CLK2: variants seen among roughly 807,000 people sequenced by gnomAD.
CLK2 encodes dual specificity protein kinase CLK2.
Under a neutral mutation model 73.5 loss-of-function variants are expected in CLK2, and 12 were observed. The observed-to-expected ratio is 0.16, with a 90% CI of 0.10 to 0.26. The LOEUF (loss-of-function observed/expected upper bound fraction) is 0.26, where lower values mean the gene tolerates loss of function less well. Ranked by LOEUF, CLK2 falls within the 10% of genes least tolerant of loss-of-function variation. CLK2 has a pLI of 1.00. For synonymous variants in CLK2, 232 were observed against 237.9 expected (o/e 0.98, Z 0.23); for missense variants, 509 against 688.4 (o/e 0.74, Z 2.92).
At position 155,268,608 on chromosome 1, in the gene CLK2, A is replaced by G; in HGVS notation, c.487+100T>C. ...TCAAACCACCCAGATAAACAACACC[A>G]CTGAGAAAAGGCAAGAGGCTGTGAC... On this transcript the variant is annotated intron_variant, in intron 4 of 12. Transcript: ENST00000368361. The surrounding 1 kb of genome is among the most constrained non-coding windows in gnomAD (Gnocchi z 5.6). 8.8e-7 allele frequency: 1 copy of G among 1,136,270 alleles called. No homozygotes were observed. Among genetic ancestry groups the G allele is most frequent in the African/African-American group, 1.5e-5 (1 of 65,714 alleles). 70.4% of individuals were successfully genotyped at this position (1,136,270 alleles called of 1,614,324 possible).
At position 155,264,458 on chromosome 1, in the gene CLK2, C is replaced by T; in HGVS notation, c.1146+10G>A. 6.2e-7 allele frequency: 1 copy of T among 1,613,476 alleles called. No individual in the cohort carries two copies. The highest frequency in any genetic ancestry group is 8.5e-7 in the Non-Finnish European group (1 of 1,179,420). ...TGCCAGGCAGTCAAGTAAGACATCC[C>T]ATCACTTACCTGGAAGAGGGTGAAT... is the stretch of plus-strand genomic sequence containing the variant. On this transcript the variant is annotated intron_variant, in intron 10 of 12. Transcript: ENST00000368361.
intron 12 of CLK2, 194 bp downstream of exon 12, chr1:155,263,756 G>A: frequency 5.1e-6 from 5 of 983,292 alleles, no homozygotes; most frequent in Non-Finnish European, 6.0e-6. Flanking sequence ...CTCAAGGTTA[G>A]GCTGTCTAAC....
intron 3 of CLK2, chr1:155,269,050 G>A (rs972097965): frequency 3.4e-6 from 2 of 593,998 alleles, no homozygotes; most frequent in Admixed American, 5.9e-5. Context: ...GAGAAGTGGT[G>A]TTGTTGCCAA....
At chr1:155,269,387 T>C (rs1673386046) in intron 3 of CLK2, 101 bp downstream of exon 3, 2 of 1,044,282 alleles carry the variant, frequency 1.9e-6, no homozygotes, top group East Asian at 2.4e-5. Context: ...TCAGTGTTCA[T>C]GCCCCAATGT....
At chr1:155,264,106 T>C in intron 11 of CLK2, 66 bp from the exon 12 acceptor site, 1 of 1,552,346 alleles carries the variant, frequency 6.4e-7, no homozygotes, top group Non-Finnish European at 8.9e-7. Context: ...TATTTCCCCA[T>C]CTGAAAGTAA....
rs974153955 is a variant in CLK2 at position 155,269,695 on chromosome 1, G to A, written c.192C>T (p.Ser64=). ...RSRSSYDDRS[S]DRRVYDRRYC... ...ATCGCCGGTCATACACCCTCCGGTC[G>A]GACGAACGATCATCATAACTGCTGT... Residue 64 remains serine (S), a synonymous_variant, in exon 3 of 13, where the codon TCC becomes TCT. Transcript: ENST00000368361. 24 of 1,614,174 alleles carry A rather than the reference G, an allele frequency of 1.5e-5. 1 individual carries two copies. The highest frequency in any genetic ancestry group is 1.6e-4 in the Middle Eastern group (1 of 6,062).
chr1:155,270,946 T>A lies in CLK2; in HGVS notation c.32A>T (p.Glu11Val). 6.2e-7 allele frequency: 1 copy of A among 1,614,050 alleles called. No homozygotes were observed. The highest frequency in any genetic ancestry group is 8.5e-7 in the Non-Finnish European group (1 of 1,179,928). The change falls in exon 2 of 13, where the codon GAG (glutamate) becomes GTG (valine). Residue 11 changes from glutamate to valine, a missense_variant. Physicochemically the swap from Glu to Val is moderately radical, Grantham distance 121. This residue lies in a region of CLK2 where 222 missense variants were observed against 221.7 expected (regional missense o/e 1.00). Transcript: ENST00000368361. ...ACGGTAACTCCCCCGGCTGCCTCGC[T>A]CTGAGGAGTGGTACCTTCGAGGATG... MPHPRRYHSSERGSRGSYREH... is the reference protein window; with the variant it reads MPHPRRYHSSVRGSRGSYREH...
rs776199259 is a variant in CLK2, at chr1:155,267,989, C to G, written c.671+21G>C. On this transcript the variant is annotated intron_variant, in intron 6 of 12. Transcript: ENST00000368361. ...GGGGTTGGGGCTCTCAGCCTCCCTA[C>G]ATACTTCCTTGCTTGCTTACTTCTT... 2.5e-6 allele frequency: 4 copies of G among 1,577,848 alleles called. No individual in the cohort carries two copies. In the Admixed American group the frequency reaches 5.0e-5, roughly 20 times the overall value.
At position 155,268,170 on chromosome 1, in the gene CLK2, T is replaced by C; in HGVS notation, c.555-44A>G. 1 of 1,585,590 alleles carries C rather than the reference T, an allele frequency of 6.3e-7. No homozygotes were observed. The highest frequency in any genetic ancestry group is 8.7e-7 in the Non-Finnish European group (1 of 1,154,100). ...GGCTTTTGCTGGGTTCTCAAGAATG[T>C]CTCAAAATGAACAGGGCTGTAGGGG... On this transcript the variant is annotated intron_variant, in intron 5 of 12. Transcript: ENST00000368361. The surrounding 1 kb of genome is among the most constrained non-coding windows in gnomAD (Gnocchi z 5.6).
intron 8 of CLK2, 57 bp downstream of exon 8, chr1:155,265,803 G>A: frequency 1.8e-6 from 2 of 1,133,882 alleles, no homozygotes; most frequent in East Asian, 2.3e-5. Flanking sequence ...TCGGCAGAAG[G>A]CAAAGTGGTG....
Position 155,262,979 on chromosome 1 carries a change from T to A in CLK2, c.*239A>T, listed in dbSNP as rs987161776. 9.1e-6 allele frequency: 4 copies of A among 437,578 alleles called. No homozygotes were observed. In the South Asian group the frequency reaches 2.4e-4, roughly 26 times the overall value. 27.1% of individuals were successfully genotyped at this position (437,578 alleles called of 1,614,324 possible). A position where few individuals can be genotyped will look rare whatever the true frequency, so the allele number is the denominator to read the frequency against. On this transcript the variant is annotated 3_prime_UTR_variant, in exon 13 of 13. Transcript: ENST00000368361. The stretch of plus-strand genomic sequence containing the variant: ...CTCACTCGGCCCCCATCCAACTCCG[T>A]ATGAGGGGGCAGGTGAGGGTGGAAA...
chr1:155,268,807 C>T lies in CLK2; in HGVS notation c.400-12G>A. On this transcript the variant is annotated splice_polypyrimidine_tract_variant and intron_variant, in intron 3 of 12. Coordinates refer to ENST00000368361, the MANE Select transcript of CLK2 (RefSeq NM_001294338.2). This position sits in a 1 kb window ranked among gnomAD's most constrained non-coding sequence, Gnocchi z 5.6. ...CGGCTGCTGTGCTGCTGTCGGGGGG[C>T]AGGGGGGGTCGGAGCAAGCCAGGTG... 6.8e-7 allele frequency: 1 copy of T among 1,480,628 alleles called. No individual in the cohort carries two copies. The highest frequency in any genetic ancestry group is 1.4e-5 in the South Asian group (1 of 72,690). 91.7% of individuals were successfully genotyped at this position (1,480,628 alleles called of 1,614,324 possible).
rs537603355 is a variant in CLK2 at position 155,270,641 on chromosome 1, C to G, written c.170+167G>C. On this transcript the variant is annotated intron_variant, in intron 2 of 12. Transcript: ENST00000368361. ...CGTCCTCAGTTCCTCATTATGTATT[C>G]TAACACTTAACACTGCAGCCCAAAT... 3.9e-5 allele frequency among the ~76,000 whole-genome samples: 6 copies of G among 152,368 alleles called. No individual in the cohort carries two copies. In the South Asian group the frequency reaches 1.2e-3, roughly 32 times the overall value.
Position 155,263,041 on chromosome 1 carries a change from G to C in CLK2, c.*177C>G. On this transcript the variant is annotated 3_prime_UTR_variant, in exon 13 of 13. Coordinates refer to ENST00000368361, the MANE Select transcript of CLK2 (RefSeq NM_001294338.2). ...GAATAGTATTATGTACAAGGCAGGG[G>C]TTGAAGTGATAGGTACAAGTTCTTT... 1.6e-6 allele frequency: 1 copy of C among 630,040 alleles called. No individual in the cohort carries two copies. Among genetic ancestry groups the C allele is most frequent in the Non-Finnish European group, 2.7e-6 (1 of 373,072 alleles). The allele number at this position is 630,040 out of a possible 1,614,324, so 39.0% of individuals were successfully genotyped here. A position where few individuals can be genotyped will look rare whatever the true frequency, so the allele number is the denominator to read the frequency against.
chr1:155,265,825 C>T lies in CLK2; in HGVS notation c.933+35G>A, dbSNP rs528060965. On this transcript the variant is annotated intron_variant, in intron 8 of 12. Transcript: ENST00000368361. The stretch of plus-strand genomic sequence containing the variant: ...AAGGCAAAGTGGTGCAGCTGCCTGC[C>T]CCCAGTAACCAAGGGCAGACCCTAT... 7 of 1,383,544 alleles carry T rather than the reference C, an allele frequency of 5.1e-6. No individual in the cohort carries two copies. In the Admixed American group the frequency reaches 6.7e-5, roughly 13 times the overall value. 85.7% of individuals were successfully genotyped at this position (1,383,544 alleles called of 1,614,324 possible).
intron 2 of CLK2, 95 bp from the exon 3 acceptor site, chr1:155,269,811 T>A: frequency 1.7e-6 from 2 of 1,157,896 alleles, no homozygotes; most frequent in Non-Finnish European, 2.6e-6. Context: ...GGACAAAGAG[T>A]AATGCTAGAA....
intron 6 of CLK2, 121 bp from the exon 7 acceptor site, chr1:155,267,016 T>C: frequency 9.1e-7 from 1 of 1,097,220 alleles, no homozygotes; most frequent in Non-Finnish European, 1.3e-6. Flanking sequence ...CCATGCCAGC[T>C]AGTACTAACA....
At chr1:155,264,604 C>T in intron 9 of CLK2, 41 bp downstream of exon 9, 1 of 1,614,242 alleles carries the variant, frequency 6.2e-7, no homozygotes, top group Non-Finnish European at 8.5e-7. Context: ...GCCCCACCCT[C>T]ACATCATCTC....
Position 155,263,156 on chromosome 1 carries a change from C to A in CLK2, c.*62G>T. ...GCTCGTTCTCTTGTATAAAAAAGCA[C>A]CAGTGTCCTGGACTGGACACCCACT... On this transcript the variant is annotated 3_prime_UTR_variant, in exon 13 of 13. Coordinates refer to ENST00000368361, the MANE Select transcript of CLK2 (RefSeq NM_001294338.2). The A allele has an allele frequency of 3.3e-6, 5 of 1,494,852 alleles. No homozygotes were observed. Among genetic ancestry groups the A allele is most frequent in the Non-Finnish European group, 4.5e-6 (5 of 1,113,310 alleles). The allele number at this position is 1,494,852 out of a possible 1,614,324, so 92.6% of individuals were successfully genotyped here. A position where few individuals can be genotyped will look rare whatever the true frequency, so the allele number is the denominator to read the frequency against.
Sources: gnomAD v4.1 joint callset for allele counts (sites outside exome capture counted in the v4.1 genomes callset) on GRCh38, gnomAD v4.1.1 for gene constraint, gnomAD v4.1.1 regional missense constraint, Gnocchi (gnomAD v3.1) non-coding constraint, MANE v1.5 for transcripts, NCBI Gene and HGNC (gene_info 2026-07-23, HGNC 2026-07-21) for gene names.